The following SCFD2 variants were observed in gnomAD, a reference collection of about 807,000 sequenced individuals.
SCFD2 encodes the protein sec1 family domain containing 2.
In SCFD2, 54 loss-of-function variants were observed where a neutral mutation model predicts 58.9. The observed-to-expected ratio is 0.92, with a 90% CI of 0.74 to 1.15. The LOEUF (loss-of-function observed/expected upper bound fraction) is 1.15, where lower values mean the gene tolerates loss of function less well. Ranked by LOEUF, SCFD2 falls within the 50% of genes most tolerant of loss-of-function variation. The pLI, the probability that SCFD2 is intolerant of heterozygous loss-of-function variation, is 0.00. For synonymous variants in SCFD2, 321 were observed against 335.9 expected (o/e 0.96, Z 0.49); for missense variants, 805 against 836.6 (o/e 0.96, Z 0.47).
At chr4:52,939,079 C>G (rs1181640246) in intron 5 of SCFD2, among the ~76,000 whole-genome samples, 2 of 152,092 alleles carry the variant, frequency 1.3e-5, no homozygotes, top group Non-Finnish European at 2.9e-5. Flanking sequence ...GAGGTGGACC[C>G]ATAGCACAGT....
At chr4:53,284,641 A>G (rs1426567574) in intron 3 of SCFD2, among the ~76,000 whole-genome samples, 1 of 152,234 alleles carries the variant, frequency 6.6e-6, no homozygotes, top group Admixed American at 6.5e-5. Flanking sequence ...AAGAGAAATA[A>G]TAACTGCCTA....
intron 7 of SCFD2, among the ~76,000 whole-genome samples, chr4:52,890,177 A>C (rs1718847955): frequency 6.6e-6 from 1 of 152,242 alleles, no homozygotes; most frequent in African/African-American, 2.4e-5. Context: ...TTGGCTCCAG[A>C]ACTTGAACGT....
At chr4:53,168,527 T>C (rs184285600) in intron 4 of SCFD2, among the ~76,000 whole-genome samples, 3 of 152,340 alleles carry the variant, frequency 2.0e-5, no homozygotes, top group East Asian at 3.9e-4. Flanking sequence ...ATAAACTATA[T>C]ATAAAATGTG....
intron 5 of SCFD2, among the ~76,000 whole-genome samples, chr4:52,967,467 T>C (rs1720987824): frequency 6.6e-6 from 1 of 152,236 alleles, no homozygotes; most frequent in Admixed American, 6.5e-5. Context: ...AAGTAGGTAC[T>C]AATATTAATC....
At chr4:52,979,065 T>TGGGGG (rs10667731) in intron 5 of SCFD2, among the ~76,000 whole-genome samples, 5 of 146,884 alleles carry the variant, frequency 3.4e-5, no homozygotes, top group African/African-American at 1.2e-4. Context: ...GGCCTTTTTT[T>TGGGGG]GGGGGGGGGA....
intron 4 of SCFD2, among the ~76,000 whole-genome samples, chr4:53,205,432 G>C (rs182744408): frequency 3.9e-4 from 59 of 152,206 alleles, no homozygotes; most frequent in Admixed American, 3.3e-4. Flanking sequence ...AAAGAAAGAT[G>C]ATGCCTACAA....
chr4:52,981,954 G>T (rs1175882778), intron 5 of SCFD2, among the ~76,000 whole-genome samples: 2 of 152,166 alleles, frequency 1.3e-5, no homozygotes, highest in African/African-American at 2.4e-5. Context: ...GAATGTGACA[G>T]TGGAACTGGA....
intron 4 of SCFD2, among the ~76,000 whole-genome samples, chr4:53,230,907 T>A (rs772218992): frequency 1.3e-5 from 2 of 152,124 alleles, no homozygotes; most frequent in Non-Finnish European, 2.9e-5. Context: ...GAACTATACA[T>A]ACATCAAACC....
At chr4:53,243,092 C>T (rs1407200246) in intron 4 of SCFD2, among the ~76,000 whole-genome samples, 2 of 152,152 alleles carry the variant, frequency 1.3e-5, no homozygotes, top group Non-Finnish European at 2.9e-5. Context: ...CCCAACCTTG[C>T]TAGAGAGGCC....
chr4:52,962,676 G>C (rs923379269), intron 5 of SCFD2, among the ~76,000 whole-genome samples: 1 of 151,928 alleles, frequency 6.6e-6, no homozygotes, highest in Non-Finnish European at 1.5e-5. Context: ...AGTTTAGAGG[G>C]GGGCAGCATT....
chr4:53,202,454 T>C (rs974177402), intron 4 of SCFD2, among the ~76,000 whole-genome samples: 2 of 150,984 alleles, frequency 1.3e-5, no homozygotes, highest in African/African-American at 4.9e-5. Flanking sequence ...TGAAGTCAGG[T>C]AGCATGATGC....
At chr4:53,238,403 C>T (rs1729753897) in intron 4 of SCFD2, among the ~76,000 whole-genome samples, 1 of 141,328 alleles carries the variant, frequency 7.1e-6, no homozygotes. Flanking sequence ...TGGCGGGGGG[C>T]TGACCCCCCT....
chr4:53,216,904 C>T (rs1038325141), intron 4 of SCFD2, among the ~76,000 whole-genome samples: 17 of 152,178 alleles, frequency 1.1e-4, no homozygotes, highest in Non-Finnish European at 2.4e-4. Context: ...TCGTTATGTA[C>T]CCAGTAGTCA....
chr4:52,959,968 A>G (rs1207484074), intron 5 of SCFD2, among the ~76,000 whole-genome samples: 2 of 151,376 alleles, frequency 1.3e-5, no homozygotes, highest in African/African-American at 2.4e-5. Context: ...ATTAGGCTGT[A>G]AGTGAACAAT....
At chr4:53,131,021 C>T (rs553718147) in intron 5 of SCFD2, among the ~76,000 whole-genome samples, 1 of 152,104 alleles carries the variant, frequency 6.6e-6, no homozygotes, top group African/African-American at 2.4e-5. Context: ...AACATATTAG[C>T]AAAATATATG....
intron 5 of SCFD2, among the ~76,000 whole-genome samples, chr4:53,054,693 C>T (rs1723276074): frequency 6.6e-6 from 1 of 151,638 alleles, no homozygotes; most frequent in Non-Finnish European, 1.5e-5. Context: ...CACTCTATCA[C>T]CCAGGCTGGA....
chr4:53,250,642 A>C (rs556291196), intron 4 of SCFD2, among the ~76,000 whole-genome samples: 162 of 152,348 alleles, frequency 1.1e-3, no homozygotes, highest in African/African-American at 3.4e-3. Flanking sequence ...TCCTGAATGA[A>C]TACTGGGTAA....
At chr4:52,923,474 T>C (rs1719789884) in intron 5 of SCFD2, among the ~76,000 whole-genome samples, 1 of 84,532 alleles carries the variant, frequency 1.2e-5, no homozygotes, top group Non-Finnish European at 2.4e-5. Flanking sequence ...TGAGACTGCA[T>C]CTCAAATAAA....
intron 2 of SCFD2, among the ~76,000 whole-genome samples, chr4:53,333,095 A>G (rs1733547065): frequency 7.7e-6 from 1 of 129,140 alleles, no homozygotes; most frequent in Non-Finnish European, 1.6e-5. Context: ...AAGGAAATAA[A>G]AGAGGATACA....
Sources: allele counts gnomAD v4.1 joint callset (sites outside exome capture counted in the v4.1 genomes callset), GRCh38; gene constraint gnomAD v4.1.1; transcripts MANE v1.5; gene names NCBI Gene and HGNC (gene_info 2026-07-23, HGNC 2026-07-21).